The following ZFYVE28 variants were observed in gnomAD, a reference collection of about 807,000 sequenced individuals.
The protein encoded by ZFYVE28 is zinc finger FYVE-type containing 28, also known as lateral signaling target protein 2 homolog.
In ZFYVE28, 40 loss-of-function variants were observed where a neutral mutation model predicts 82.1. The ratio of observed to expected loss-of-function variants is 0.49; its 90% CI spans 0.38 to 0.63. ZFYVE28 has a LOEUF of 0.63. Among genes scored for constraint, ZFYVE28 ranks in the 30% least tolerant of loss-of-function variants. The pLI is 0.00. For missense variants in ZFYVE28, 1,321 were observed against 1,242.1 expected (o/e 1.06, Z -0.96); for synonymous variants, 612 against 546.1 (o/e 1.12, Z -1.68).
intron 1 of ZFYVE28, among the ~76,000 whole-genome samples, chr4:2,392,721 A>G (rs890885791): frequency 1.3e-5 from 2 of 152,204 alleles, no homozygotes; most frequent in Admixed American, 1.3e-4. Context: ...CCAATTCTTC[A>G]TGTAACTCCA....
chr4:2,298,161 G>A (rs565207562), intron 8 of ZFYVE28, among the ~76,000 whole-genome samples: 96 of 139,696 alleles, frequency 6.9e-4, no homozygotes, highest in African/African-American at 2.5e-3. Context: ...GAGGACGAGC[G>A]GTGACAGTGG....
At position 2,320,250 on chromosome 4, in the gene ZFYVE28, G is replaced by C. The variant is rs145393682; in HGVS notation, c.723C>G (p.Asp241Glu). The C allele has an allele frequency of 6.2e-7, 1 of 1,613,548 alleles. No individual in the cohort carries two copies. Among genetic ancestry groups the C allele is most frequent in the Non-Finnish European group, 8.5e-7 (1 of 1,179,822 alleles). Residue 241 changes from aspartate (D) to glutamate (E), a missense_variant, in exon 7 of 13, where the codon GAC becomes GAG. Around this residue, in one of 2 missense-constraint regions of ZFYVE28, gnomAD observed 343 missense variants for 408.4 expected, o/e 0.84. Transcript: ENST00000290974. The surrounding 1 kb of genome is among the most constrained non-coding windows in gnomAD (Gnocchi z 5.1). ...AIVCGLVVYADGPLNLDRKVE... is the reference protein window; with the variant it reads ...AIVCGLVVYAEGPLNLDRKVE... ...CCTTGCGGTCCAAGTTCAGAGGTCCGTCCGCATAGACCACGAGGCCACTGC... is the reference window on the plus strand; with the variant it reads ...CCTTGCGGTCCAAGTTCAGAGGTCCCTCCGCATAGACCACGAGGCCACTGC...
At chr4:2,301,334 T>C (rs1022621475) in intron 8 of ZFYVE28, among the ~76,000 whole-genome samples, 2 of 152,208 alleles carry the variant, frequency 1.3e-5, no homozygotes, top group Non-Finnish European at 2.9e-5. Context: ...CCCGCTGACC[T>C]GATTTCCAGC....
chr4:2,333,998 C>T (rs1721151750), intron 6 of ZFYVE28, among the ~76,000 whole-genome samples: 1 of 152,186 alleles, frequency 6.6e-6, no homozygotes, highest in South Asian at 2.1e-4. Flanking sequence ...CCCTCCAAGC[C>T]ACCTTGTCGC....
Position 2,417,395 on chromosome 4 carries a change from C to A in ZFYVE28, c.39+890G>T, listed in dbSNP as rs1340504218. Among the ~76,000 whole-genome samples, 2 of 150,962 alleles carry A rather than the reference C, an allele frequency of 1.3e-5. No individual in the cohort carries two copies. The highest frequency in any genetic ancestry group is 3.0e-5 in the Non-Finnish European group (2 of 67,658). On this transcript the variant is annotated intron_variant, in intron 1 of 12. Transcript: ENST00000290974. This position sits in a 1 kb window ranked among gnomAD's most constrained non-coding sequence, Gnocchi z 4.8. ...GCAGCGGGCACGAGCCCCAGGCGGGCGGCGGGGACGCAGCGCCCGCAGTGC... is the reference window on the plus strand; with the variant it reads ...GCAGCGGGCACGAGCCCCAGGCGGGAGGCGGGGACGCAGCGCCCGCAGTGC...
At chr4:2,370,040 G>A (rs1047176183) in intron 1 of ZFYVE28, among the ~76,000 whole-genome samples, 5 of 151,430 alleles carry the variant, frequency 3.3e-5, no homozygotes, top group Admixed American at 2.0e-4. Context: ...TAATAGAGAC[G>A]GGTTTCACCA....
intron 8 of ZFYVE28, among the ~76,000 whole-genome samples, chr4:2,302,971 C>T (rs573233038): frequency 3.2e-4 from 49 of 152,350 alleles, no homozygotes; most frequent in Admixed American, 4.6e-4. Context: ...GCCGCGCCCT[C>T]GTTAAGCCGA....
chr4:2,378,836 T>A (rs1388532894), intron 1 of ZFYVE28, among the ~76,000 whole-genome samples: 1 of 152,158 alleles, frequency 6.6e-6, no homozygotes. Flanking sequence ...CTGCCACAGA[T>A]CTTGATTATT....
chr4:2,346,936 A>C (rs2108872605), intron 2 of ZFYVE28, among the ~76,000 whole-genome samples: 1 of 152,336 alleles, frequency 6.6e-6, no homozygotes, highest in South Asian at 2.1e-4. Flanking sequence ...TAACTATATC[A>C]AAGACATATT....
rs1333773033 is a variant in ZFYVE28 at position 2,362,667 on chromosome 4, A to G, written c.40-8594T>C. On this transcript the variant is annotated intron_variant, in intron 1 of 12. Transcript: ENST00000290974. The surrounding 1 kb of genome is among the most constrained non-coding windows in gnomAD (Gnocchi z 5.1). ...GGCAGCACCACCAGCCACCGGCAGC[A>G]GATCTGGGGCCCCAGACAGGCACAC... Among the ~76,000 whole-genome samples, 1 of 152,134 alleles carries G rather than the reference A, an allele frequency of 6.6e-6. No individual in the cohort carries two copies. Among genetic ancestry groups the G allele is most frequent in the East Asian group, 1.9e-4 (1 of 5,162 alleles).
At chr4:2,357,005 A>G (rs931980691) in intron 1 of ZFYVE28, among the ~76,000 whole-genome samples, 1 of 152,040 alleles carries the variant, frequency 6.6e-6, no homozygotes, top group African/African-American at 2.4e-5. Flanking sequence ...CAATCATCCC[A>G]TCTCAGCCTC....
intron 2 of ZFYVE28, among the ~76,000 whole-genome samples, chr4:2,343,802 G>A (rs73797760): frequency 0.018 from 2,786 of 152,330 alleles, 91 homozygotes; most frequent in African/African-American, 0.064. Context: ...TTTCATGGCC[G>A]TGCTTGGATT....
chr4:2,369,291 C>T (rs1252068175), intron 1 of ZFYVE28, among the ~76,000 whole-genome samples: 3 of 152,170 alleles, frequency 2.0e-5, no homozygotes, highest in Admixed American at 2.0e-4. Flanking sequence ...AGACAAGGGT[C>T]CCCCCTGCCA....
At chr4:2,385,617 C>G (rs1000924132) in intron 1 of ZFYVE28, among the ~76,000 whole-genome samples, 1 of 152,244 alleles carries the variant, frequency 6.6e-6, no homozygotes, top group Non-Finnish European at 1.5e-5. Context: ...GCACCCACTG[C>G]CTGCATCTGA....
intron 1 of ZFYVE28, among the ~76,000 whole-genome samples, chr4:2,368,222 A>AAAAAAAC (rs1553856576): frequency 6.7e-6 from 1 of 150,058 alleles, no homozygotes; most frequent in Non-Finnish European, 1.5e-5. Context: ...AAAAAAAAAA[A>AAAAAAAC]AAAAAAAACA....
At chr4:2,281,888 C>T (rs113719139) in intron 8 of ZFYVE28, among the ~76,000 whole-genome samples, 2,821 of 152,272 alleles carry the variant, frequency 0.019, 83 homozygotes, top group African/African-American at 0.064. Flanking sequence ...GAGCCACACA[C>T]ATTAACAATA....
chr4:2,274,333 G>A (rs878974704), intron 8 of ZFYVE28, 117 bp from the exon 9 acceptor site: 24 of 1,313,054 alleles, frequency 1.8e-5, no homozygotes, highest in South Asian at 1.2e-4. Context: ...CCCCACAGGC[G>A]TGTATCTGTT....
At chr4:2,337,626 A>T (rs1291096804) in intron 4 of ZFYVE28, 130 bp from the exon 5 acceptor site, 1 of 669,444 alleles carries the variant, frequency 1.5e-6, no homozygotes, top group Non-Finnish European at 2.5e-6. Context: ...TCACGCCTGT[A>T]ATCCCAGCAC....
chr4:2,408,644 G>A lies in ZFYVE28; in HGVS notation c.39+9641C>T, dbSNP rs1936231856. Among the ~76,000 whole-genome samples the A allele has an allele frequency of 6.6e-6, 1 of 152,072 alleles. No homozygotes were observed. The highest frequency in any genetic ancestry group is 2.4e-5 in the African/African-American group (1 of 41,402). On this transcript the variant is annotated intron_variant, in intron 1 of 12. Coordinates refer to ENST00000290974, the MANE Select transcript of ZFYVE28 (RefSeq NM_020972.3). The surrounding 1 kb of genome is among the most constrained non-coding windows in gnomAD (Gnocchi z 4.3). ...CCCAGGTAAGCCCACCTAGATGATGGCGCCCCATCCAGATAGAGTCCCGCC... is the reference window on the plus strand; with the variant it reads ...CCCAGGTAAGCCCACCTAGATGATGACGCCCCATCCAGATAGAGTCCCGCC...
Sources: allele counts gnomAD v4.1 joint callset (sites outside exome capture counted in the v4.1 genomes callset), GRCh38; gene constraint gnomAD v4.1.1; regional missense constraint gnomAD v4.1.1; non-coding constraint Gnocchi (gnomAD v3.1); transcripts MANE v1.5; gene names NCBI Gene and HGNC (gene_info 2026-07-23, HGNC 2026-07-21).